MCM9: variants seen among roughly 807,000 people sequenced by gnomAD.
The protein encoded by MCM9 is DNA helicase MCM9.
In MCM9, 55 loss-of-function variants were observed where a neutral mutation model predicts 72.8. The observed-to-expected ratio is 0.76, with a 90% CI of 0.61 to 0.95. MCM9 has a LOEUF of 0.95. MCM9 is among the 40% of genes least tolerant of loss of function. The pLI is 0.00. For synonymous variants in MCM9, 480 were observed against 503.4 expected (o/e 0.95, Z 0.62); for missense variants, 1,279 against 1,377.0 (o/e 0.93, Z 1.13).
At chr6:118,840,954 T>C (rs189921559) in intron 9 of MCM9, among the ~76,000 whole-genome samples, 2 of 152,076 alleles carry the variant, frequency 1.3e-5, no homozygotes, top group African/African-American at 4.8e-5. Context: ...AGGCTGGTCT[T>C]GAACTCCTAG....
At chr6:118,833,724 A>G (rs1774753569) in intron 9 of MCM9, among the ~76,000 whole-genome samples, 2 of 152,112 alleles carry the variant, frequency 1.3e-5, no homozygotes, top group African/African-American at 2.4e-5. Flanking sequence ...TGAAATACCT[A>G]GAGTAGTCAA....
chr6:118,843,617 TC>T (rs1775551967), intron 9 of MCM9, among the ~76,000 whole-genome samples: 1 of 139,096 alleles, frequency 7.2e-6, no homozygotes, highest in Non-Finnish European at 1.5e-5. Context: ...AAATTCTGTC[TC>T]AAAAAAACAA....
intron 8 of MCM9, among the ~76,000 whole-genome samples, chr6:118,879,813 G>A (rs921719898): frequency 8.6e-5 from 13 of 151,972 alleles, no homozygotes; most frequent in African/African-American, 2.9e-4. Context: ...GGAGGCTGAG[G>A]TAGGTGGATC....
intron 8 of MCM9, chr6:118,901,059 C>G: frequency 1.8e-6 from 1 of 543,112 alleles, no homozygotes; most frequent in Non-Finnish European, 3.3e-6. Context: ...GGAACTCTTA[C>G]TTCCTGGTTT....
chr6:118,837,356 T>C (rs1775033417), intron 9 of MCM9, among the ~76,000 whole-genome samples: 1 of 152,246 alleles, frequency 6.6e-6, no homozygotes, highest in Non-Finnish European at 1.5e-5. Flanking sequence ...TCATTTGGGC[T>C]GGAGAGTTCT....
intron 8 of MCM9, among the ~76,000 whole-genome samples, chr6:118,907,227 C>T (rs1024483851): frequency 4.6e-5 from 7 of 152,078 alleles, no homozygotes; most frequent in African/African-American, 1.7e-4. Flanking sequence ...TTGCTACAGC[C>T]CTAGTCGTTA....
intron 13 of MCM9, among the ~76,000 whole-genome samples, chr6:118,819,135 G>A (rs1435044302): frequency 6.6e-6 from 1 of 152,060 alleles, no homozygotes; most frequent in African/African-American, 2.4e-5. Flanking sequence ...TGATTGCTCT[G>A]GCCAGAACTT....
In MCM9 at chr6:118,931,548, T is replaced by C. The variant is rs754275066; in HGVS notation, c.176A>G (p.Asn59Ser). The C allele has an allele frequency of 6.2e-6, 10 of 1,614,154 alleles. No homozygotes were observed. In the South Asian group the frequency reaches 9.9e-5, roughly 16 times the overall value. Residue 59 changes from asparagine to serine, a missense_variant, in exon 3 of 14, where the codon AAC (asparagine) becomes AGC (serine). By Grantham distance (46) the Asn-to-Ser change is conservative. Coordinates refer to ENST00000619706, the MANE Select transcript of MCM9 (RefSeq NM_017696.3). ...ETNMEIGEYF[N>S]MFPSEVLTIF... Reference sequence around the variant, plus strand: ...TGTAAGCACTTCACTGGGGAACATGTTGAAATATTCCCCGATTTCCATGTT... The same window carrying C: ...TGTAAGCACTTCACTGGGGAACATGCTGAAATATTCCCCGATTTCCATGTT...
At chr6:118,905,700 G>A in intron 8 of MCM9, 1 of 1,613,624 alleles carries the variant, frequency 6.2e-7, no homozygotes, top group Non-Finnish European at 8.5e-7. Flanking sequence ...TGCAGTAGGC[G>A]TAACTGTTGT....
chr6:118,878,459 CT>C (rs937824897), intron 8 of MCM9, among the ~76,000 whole-genome samples: 40 of 152,114 alleles, frequency 2.6e-4, no homozygotes, highest in African/African-American at 4.6e-4. Context: ...AACTTTGTAA[CT>C]TTTTTTCTTT....
At chr6:118,926,984 GAAGGAAGGTAAA>G (rs1717395970) in intron 3 of MCM9, among the ~76,000 whole-genome samples, 1 of 151,930 alleles carries the variant, frequency 6.6e-6, no homozygotes, top group African/African-American at 2.4e-5. Context: ...TTACTTCTAC[GAAGGAAGGTAAA>G]AAGGAGAATA....
At chr6:118,864,812 T>C (rs891220423) in intron 8 of MCM9, among the ~76,000 whole-genome samples, 1 of 152,172 alleles carries the variant, frequency 6.6e-6, no homozygotes, top group Non-Finnish European at 1.5e-5. Flanking sequence ...GGTGGTTTGC[T>C]ATGGGCACTC....
intron 9 of MCM9, among the ~76,000 whole-genome samples, chr6:118,849,074 G>A (rs1239191640): frequency 6.6e-6 from 1 of 151,836 alleles, no homozygotes; most frequent in African/African-American, 2.4e-5. Context: ...TGTTCATAAA[G>A]CTAAGCCCAA....
rs887555362 is a variant in MCM9, at chr6:118,815,054, C to A, written c.3202G>T (p.Glu1068Ter). 11 of 1,550,404 alleles carry A rather than the reference C, an allele frequency of 7.1e-6. No individual in the cohort carries two copies. Among genetic ancestry groups the A allele is most frequent in the Non-Finnish European group, 9.6e-6 (11 of 1,146,804 alleles). Reference protein sequence around the residue: ...LANFCFTPPSESKSKSPPPER... With the variant: ...LANFCFTPPS ...GGAGGAGGGGATTTTGATTTGGATT[C>A]CGATGGGGGAGTAAAGCAGAAGTTT... Residue 1068 changes from glutamate (E) to a stop codon, truncating the protein, a stop_gained, in exon 14 of 14, where the codon GAA becomes TAA. Transcript: ENST00000619706. LOFTEE classifies it low-confidence loss of function (END_TRUNC).
chr6:118,869,599 CA>C, intron 8 of MCM9, among the ~76,000 whole-genome samples: 7,987 of 58,262 alleles, frequency 0.14, 296 homozygotes, highest in East Asian at 0.29. Flanking sequence ...AAAGGATTTA[CA>C]AAAAAAAAAA....
chr6:118,826,315 G>C, intron 12 of MCM9, 23 bp from the exon 13 acceptor site: 2 of 1,544,422 alleles, frequency 1.3e-6, no homozygotes, highest in Non-Finnish European at 1.7e-6. Context: ...GAAAATACCA[G>C]GAGAGTCACC....
intron 8 of MCM9, among the ~76,000 whole-genome samples, chr6:118,892,671 C>T (rs1312734451): frequency 6.6e-6 from 1 of 152,152 alleles, no homozygotes; most frequent in African/African-American, 2.4e-5. Flanking sequence ...TGTTTATCAG[C>T]CACAAAAATC....
At chr6:118,865,140 G>A (rs1777139204) in intron 8 of MCM9, among the ~76,000 whole-genome samples, 1 of 152,192 alleles carries the variant, frequency 6.6e-6, no homozygotes, top group Admixed American at 6.5e-5. Flanking sequence ...CCCACTCAAC[G>A]GACTGTGTCC....
intron 8 of MCM9, among the ~76,000 whole-genome samples, chr6:118,878,398 G>A (rs1412339667): frequency 1.3e-5 from 2 of 151,996 alleles, no homozygotes; most frequent in Non-Finnish European, 2.9e-5. Context: ...GAAATAAAAT[G>A]CACCAATAAA....
Sources: gnomAD v4.1 joint callset for allele counts (sites outside exome capture counted in the v4.1 genomes callset) on GRCh38, gnomAD v4.1.1 for gene constraint, MANE v1.5 for transcripts, NCBI Gene and HGNC (gene_info 2026-07-23, HGNC 2026-07-21) for gene names.